The following ARHGEF1 variants were observed in gnomAD, a reference collection of about 807,000 sequenced individuals.
ARHGEF1 encodes the protein 115 kDa guanine nucleotide exchange factor.
A neutral mutation model predicts 119.7 loss-of-function variants in ARHGEF1; 40 were observed. That is an observed-to-expected ratio of 0.33 (90% CI 0.26 to 0.44). ARHGEF1 has a LOEUF of 0.44. Ranked by LOEUF, ARHGEF1 falls within the 20% of genes least tolerant of loss-of-function variation. The pLI is 1.00. For synonymous variants in ARHGEF1, 494 were observed against 521.0 expected, an observed-to-expected ratio of 0.95 and a Z score of 0.71; for missense variants, 976 against 1,268.3, an observed-to-expected ratio of 0.77 and a Z score of 3.50.
In ARHGEF1 at chr19:41,917,770, G is replaced by A. The variant is rs1423091758; in HGVS notation, c.1866-5322G>A. Among the ~76,000 whole-genome samples, 1 of 151,564 alleles carries A rather than the reference G, an allele frequency of 6.6e-6. No homozygotes were observed. Among genetic ancestry groups the A allele is most frequent in the African/African-American group, 2.4e-5 (1 of 41,150 alleles). ...AGGACACATCTGTGCACACAGTAGA[G>A]ACCCACAGTGACACCCACTAGTAGG... On this transcript the variant is annotated intron_variant, in intron 18 of 20. Transcript: ENST00000599589. This position sits in a 1 kb window ranked among gnomAD's most constrained non-coding sequence, Gnocchi z 4.8.
Position 41,904,348 on chromosome 19 carries a change from G to T in ARHGEF1, c.2126G>T (p.Arg709Leu). The change falls in exon 22 of 29, where the codon CGG (arginine) becomes CTG (leucine). Residue 709 changes from arginine to leucine, a missense_variant. Physicochemically the swap from Arg to Leu is moderately radical, Grantham distance 102. Coordinates refer to ENST00000354532, the MANE Select transcript of ARHGEF1 (RefSeq NM_004706.4). The surrounding 1 kb of genome is among the most constrained non-coding windows in gnomAD (Gnocchi z 8.4). ...AAGACCATGCTGCGGCCCGTGCTGCGGCTCACCTCCGCCATGACCCGCGAG... is the reference window on the plus strand; with the variant it reads ...AAGACCATGCTGCGGCCCGTGCTGCTGCTCACCTCCGCCATGACCCGCGAG... ...DGKTMLRPVLRLTSAMTREVA... is the reference protein window; with the variant it reads ...DGKTMLRPVLLLTSAMTREVA... The T allele has an allele frequency of 6.3e-7, 1 of 1,596,230 alleles. No individual in the cohort carries two copies. The highest frequency in any genetic ancestry group is 8.5e-7 in the Non-Finnish European group (1 of 1,173,920).
In ARHGEF1 at chr19:41,889,060, G is replaced by A; in HGVS notation, c.225+195G>A. 2 of 570,662 alleles carry A rather than the reference G, an allele frequency of 3.5e-6. No individual in the cohort carries two copies. Among genetic ancestry groups the A allele is most frequent in the South Asian group, 2.1e-5 (1 of 48,080 alleles). 35.3% of individuals were successfully genotyped at this position (570,662 alleles called of 1,614,324 possible). A position where few individuals can be genotyped will look rare whatever the true frequency, so the allele number is the denominator to read the frequency against. On this transcript the variant is annotated intron_variant, in intron 4 of 28. Coordinates refer to ENST00000354532, the MANE Select transcript of ARHGEF1 (RefSeq NM_004706.4). This position sits in a 1 kb window ranked among gnomAD's most constrained non-coding sequence, Gnocchi z 4.0. ...CCACGTGACCTCAACAGGCTTACAA[G>A]TGCCCAGGGTAGATCTCAGTGCGCA... is the stretch of plus-strand genomic sequence containing the variant.
chr19:41,925,019 G>A (rs1320386971), intron 1 of ARHGEF1, among the ~76,000 whole-genome samples: 4 of 152,148 alleles, frequency 2.6e-5, no homozygotes, highest in African/African-American at 9.7e-5. Flanking sequence ...TGGATGTTTG[G>A]GGGGAGGAAA....
At position 41,917,358 on chromosome 19, in the gene ARHGEF1, C is replaced by T. The variant is rs1753186609; in HGVS notation, c.1866-5734C>T. On this transcript the variant is annotated intron_variant, in intron 18 of 20. Coordinates refer to the ARHGEF1 transcript ENST00000599589. This position sits in a 1 kb window ranked among gnomAD's most constrained non-coding sequence, Gnocchi z 4.8. ...TCTGTCTCCTAACGCCCCATCACCACGCCCCCCTGGGCTGGGGTTTAACCA... is the reference window on the plus strand; with the variant it reads ...TCTGTCTCCTAACGCCCCATCACCATGCCCCCCTGGGCTGGGGTTTAACCA... 1.3e-5 allele frequency among the ~76,000 whole-genome samples: 2 copies of T among 152,112 alleles called. No homozygotes were observed. The highest frequency in any genetic ancestry group is 6.5e-5 in the Admixed American group (1 of 15,282).
At position 41,892,956 on chromosome 19, in the gene ARHGEF1, G is replaced by T; in HGVS notation, c.614+107G>T. 5.0e-6 allele frequency: 7 copies of T among 1,408,980 alleles called. No homozygotes were observed. The highest frequency in any genetic ancestry group is 6.5e-6 in the Non-Finnish European group (7 of 1,077,890). The allele number at this position is 1,408,980 out of a possible 1,614,324, so 87.3% of individuals were successfully genotyped here. ...TTTGCAGGTTCCCTCTTCAGGGTCAGAGTTCATTTCTTGGCACTGGGGGTC... is the reference window on the plus strand; with the variant it reads ...TTTGCAGGTTCCCTCTTCAGGGTCATAGTTCATTTCTTGGCACTGGGGGTC... On this transcript the variant is annotated intron_variant, in intron 7 of 28. Coordinates refer to ENST00000354532, the MANE Select transcript of ARHGEF1 (RefSeq NM_004706.4). This position sits in a 1 kb window ranked among gnomAD's most constrained non-coding sequence, Gnocchi z 6.3.
rs2053984259 is a variant in ARHGEF1 at position 41,917,028 on chromosome 19, A to T, written c.1866-6064A>T. ...TGCATGGGTGTGTGTGTGTGTGTGCACATATGTGACACGTGCCCTTGTCTC... is the reference window on the plus strand; with the variant it reads ...TGCATGGGTGTGTGTGTGTGTGTGCTCATATGTGACACGTGCCCTTGTCTC... On this transcript the variant is annotated intron_variant, in intron 18 of 20. Transcript: ENST00000599589. The surrounding 1 kb of genome is among the most constrained non-coding windows in gnomAD (Gnocchi z 4.8). Among the ~76,000 whole-genome samples the T allele has an allele frequency of 6.6e-6, 1 of 151,820 alleles. No homozygotes were observed. The highest frequency in any genetic ancestry group is 6.6e-5 in the Admixed American group (1 of 15,266).
Position 41,915,825 on chromosome 19 carries a change from C to T in ARHGEF1, c.1866-7267C>T, listed in dbSNP as rs782346982. Among the ~76,000 whole-genome samples, 94 of 152,208 alleles carry T rather than the reference C, an allele frequency of 6.2e-4. 1 individual carries two copies. The highest frequency in any genetic ancestry group is 1.0e-3 in the Non-Finnish European group (68 of 67,986). ...CGACTGATGGAGGGAGCGCGGCCTG[C>T]GGGGCCTGGGGCTGCAGGGCCAAAC... On this transcript the variant is annotated intron_variant, in intron 18 of 20. Coordinates refer to the ARHGEF1 transcript ENST00000599589.
At chr19:41,926,867 C>T (rs880000615) in intron 1 of ARHGEF1, among the ~76,000 whole-genome samples, 5 of 151,878 alleles carry the variant, frequency 3.3e-5, no homozygotes, top group Non-Finnish European at 7.4e-5. Context: ...TTAATCTGAG[C>T]GGAAACCAGC....
At position 41,916,492 on chromosome 19, in the gene ARHGEF1, A is replaced by C. The variant is rs2074802478; in HGVS notation, c.1866-6600A>C. On this transcript the variant is annotated intron_variant, in intron 18 of 20. Coordinates refer to the ARHGEF1 transcript ENST00000599589. The surrounding 1 kb of genome is among the most constrained non-coding windows in gnomAD (Gnocchi z 5.4). ...AGTTTTACACAAATACACACATGACACATCAATTCAATCTCACACAGAAAC... is the reference window on the plus strand; with the variant it reads ...AGTTTTACACAAATACACACATGACCCATCAATTCAATCTCACACAGAAAC... Among the ~76,000 whole-genome samples, 1 of 152,048 alleles carries C rather than the reference A, an allele frequency of 6.6e-6. No individual in the cohort carries two copies. Among genetic ancestry groups the C allele is most frequent in the South Asian group, 2.1e-4 (1 of 4,816 alleles).
intron 13 of ARHGEF1, chr19:41,896,708 G>C (rs2074494963): frequency 1.5e-6 from 1 of 681,812 alleles, no homozygotes; most frequent in Non-Finnish European, 2.7e-6. Flanking sequence ...TTTTTCCTCT[G>C]CTCCTTCCTC....
rs563132868 is a variant in ARHGEF1 at position 41,902,054 on chromosome 19, C to T, written c.1414+21C>T. 5.7e-5 allele frequency: 91 copies of T among 1,607,578 alleles called. No homozygotes were observed. The South Asian group carries it at 9.6e-4, about 17-fold the overall frequency. On this transcript the variant is annotated intron_variant, in intron 15 of 28. Transcript: ENST00000354532. The surrounding 1 kb of genome is among the most constrained non-coding windows in gnomAD (Gnocchi z 6.5). ...GCATTGTGAGTGCAGAGCCAGGGTCCCTCTGTGTACCCCACTGCCCCACGG... is the reference window on the plus strand; with the variant it reads ...GCATTGTGAGTGCAGAGCCAGGGTCTCTCTGTGTACCCCACTGCCCCACGG...
upstream of ARHGEF1, among the ~76,000 whole-genome samples, chr19:41,922,120 G>A (rs375492221): frequency 6.6e-6 from 1 of 152,086 alleles, no homozygotes; most frequent in Non-Finnish European, 1.5e-5. Context: ...AGCGGGGTGT[G>A]GTGTACACCA....
At chr19:41,898,420 C>T (rs1457823375) in intron 13 of ARHGEF1, 22 bp from the exon 14 acceptor site, 36 of 1,548,362 alleles carry the variant, frequency 2.3e-5, no homozygotes, top group Admixed American at 4.0e-5. Context: ...AGCTGGGGCC[C>T]TAACAAGGCC....
At chr19:41,885,171 C>A (rs2074274848) in intron 1 of ARHGEF1, among the ~76,000 whole-genome samples, 1 of 152,098 alleles carries the variant, frequency 6.6e-6, no homozygotes, top group Admixed American at 6.5e-5. Context: ...TATTCTCTGA[C>A]AGCTTCACCT....
At chr19:41,913,261 ACGCCCGCC>A (rs1313896978) in intron 18 of ARHGEF1, among the ~76,000 whole-genome samples, 7 of 139,350 alleles carry the variant, frequency 5.0e-5, no homozygotes, top group South Asian at 2.3e-4. Flanking sequence ...GCTGGCTCTC[ACGCCCGCC>A]CGCCCGCCCG....
upstream of ARHGEF1, among the ~76,000 whole-genome samples, chr19:41,921,482 G>A (rs551805496): frequency 3.3e-5 from 5 of 152,196 alleles, no homozygotes; most frequent in South Asian, 2.1e-4. The surrounding 1 kb of genome is among the most constrained non-coding windows in gnomAD (Gnocchi z 4.4). Context: ...ACATGCACAC[G>A]CAGAGAGAAG....
chr19:41,920,353 C>T (rs1256517925), upstream of ARHGEF1, among the ~76,000 whole-genome samples: 3 of 139,038 alleles, frequency 2.2e-5, no homozygotes, highest in East Asian at 6.5e-4. Flanking sequence ...TGCACTCAGA[C>T]GTGACGCACA....
downstream of ARHGEF1, among the ~76,000 whole-genome samples, chr19:41,910,420 G>T (rs1233906760): frequency 6.6e-6 from 1 of 152,050 alleles, no homozygotes; most frequent in Non-Finnish European, 1.5e-5. This position sits in a 1 kb window ranked among gnomAD's most constrained non-coding sequence, Gnocchi z 4.4. Context: ...AGGAGGAATG[G>T]GGAGGGGCAC....
At chr19:41,922,844 G>A (rs377572915), upstream of ARHGEF1, among the ~76,000 whole-genome samples, 13 of 152,330 alleles carry the variant, frequency 8.5e-5, no homozygotes, top group Non-Finnish European at 1.5e-4. Flanking sequence ...CCTGGCCCGC[G>A]CACTGCCGCC....
Sources: allele counts gnomAD v4.1 joint callset (sites outside exome capture counted in the v4.1 genomes callset), GRCh38; gene constraint gnomAD v4.1.1; non-coding constraint Gnocchi (gnomAD v3.1); transcripts MANE v1.5; gene names NCBI Gene and HGNC (gene_info 2026-07-23, HGNC 2026-07-21).